Variants in WWOX observed in about 807,000 individuals in gnomAD.
WWOX encodes WW domain-containing oxidoreductase.
A neutral mutation model predicts 46.2 loss-of-function variants in WWOX; 69 were observed. The observed-to-expected ratio is 1.49, with a 90% CI of 1.23 to 1.82. The LOEUF (loss-of-function observed/expected upper bound fraction) is 1.82, where lower values mean the gene tolerates loss of function less well. WWOX is among the 40% of genes most tolerant of loss of function. The pLI is 0.00. For missense variants in WWOX, 919 were observed against 542.6 expected (o/e 1.69, Z -6.89); for synonymous variants, 359 against 202.6 (o/e 1.77, Z -6.56).
intron 5 of WWOX, among the ~76,000 whole-genome samples, chr16:78,290,287 C>G (rs977993464): frequency 6.7e-6 from 1 of 148,874 alleles, no homozygotes; most frequent in East Asian, 2.0e-4. Flanking sequence ...CGTTCCCCCC[C>G]CCACCCCCCA....
chr16:79,108,457 G>GATTGCA (rs1377663775), intron 8 of WWOX, among the ~76,000 whole-genome samples: 2 of 152,230 alleles, frequency 1.3e-5, no homozygotes, highest in African/African-American at 4.8e-5. Context: ...GGGAGCGAAA[G>GATTGCA]ATTGCAAGGT....
At chr16:78,925,085 C>A (rs577555625) in intron 8 of WWOX, among the ~76,000 whole-genome samples, 1 of 152,132 alleles carries the variant, frequency 6.6e-6, no homozygotes, top group Non-Finnish European at 1.5e-5. Flanking sequence ...GTCCCAGTTA[C>A]TGGGGAGGCT....
chr16:78,932,647 C>T (rs8055230), intron 8 of WWOX, among the ~76,000 whole-genome samples: 18,778 of 152,210 alleles, frequency 0.12, 3,521 homozygotes, highest in African/African-American at 0.4. Flanking sequence ...CCTGCAGCTG[C>T]GGCCTCTGGG....
intron 8 of WWOX, among the ~76,000 whole-genome samples, chr16:78,666,318 C>T (rs923799175): frequency 1.3e-5 from 2 of 151,976 alleles, no homozygotes; most frequent in African/African-American, 4.8e-5. Context: ...ATTAAAAAGA[C>T]ACTGAGATTT....
intron 6 of WWOX, among the ~76,000 whole-genome samples, chr16:78,409,280 A>C (rs2082619082): frequency 6.6e-6 from 1 of 152,182 alleles, no homozygotes; most frequent in Admixed American, 6.5e-5. Flanking sequence ...GAATTATGAC[A>C]AACACAGTCA....
chr16:79,168,677 T>C (rs2050641984), intron 8 of WWOX, among the ~76,000 whole-genome samples: 2 of 152,164 alleles, frequency 1.3e-5, no homozygotes. Context: ...CTCTAGGCTC[T>C]TACCTGGCTT....
chr16:79,151,053 A>C (rs1430398804), intron 8 of WWOX, among the ~76,000 whole-genome samples: 1 of 152,116 alleles, frequency 6.6e-6, no homozygotes, highest in Non-Finnish European at 1.5e-5. Flanking sequence ...TACCAGTGCA[A>C]CTCTGCTATT....
chr16:78,771,290 A>G (rs1418000987), intron 8 of WWOX, among the ~76,000 whole-genome samples: 5 of 152,194 alleles, frequency 3.3e-5, no homozygotes, highest in Non-Finnish European at 5.9e-5. Context: ...CAGGGTATCC[A>G]GTTAGGAAGC....
intron 8 of WWOX, among the ~76,000 whole-genome samples, chr16:78,738,658 C>G (rs1597521613): frequency 6.6e-6 from 1 of 152,138 alleles, no homozygotes. Flanking sequence ...ATCCTCATTT[C>G]CTTGATCGCA....
intron 8 of WWOX, among the ~76,000 whole-genome samples, chr16:79,039,839 A>G (rs2151408252): frequency 6.6e-6 from 1 of 152,096 alleles, no homozygotes; most frequent in Admixed American, 6.5e-5. Flanking sequence ...TCATCATCTG[A>G]CTCATCTCTA....
intron 8 of WWOX, among the ~76,000 whole-genome samples, chr16:78,910,091 A>G (rs1364682356): frequency 6.6e-6 from 1 of 152,198 alleles, no homozygotes; most frequent in African/African-American, 2.4e-5. Context: ...TTTCATGTGT[A>G]GATGTGGTGA....
rs555872193 is a variant in WWOX, at chr16:79,151,028, C to T, written c.1057-60580C>T. 7.2e-5 allele frequency among the ~76,000 whole-genome samples: 11 copies of T among 152,248 alleles called. No homozygotes were observed. In the South Asian group the frequency reaches 1.9e-3, roughly 26 times the overall value. On this transcript the variant is annotated intron_variant, in intron 8 of 8. Coordinates refer to ENST00000566780, the MANE Select transcript of WWOX (RefSeq NM_016373.4). Reference sequence around the variant, plus strand: ...GCACAGGAATTATTTCCCTTTTAAACGTTAGTTTTCATTTTACCAGTGCAA... The same window carrying T: ...GCACAGGAATTATTTCCCTTTTAAATGTTAGTTTTCATTTTACCAGTGCAA...
chr16:78,868,493 A>G (rs1466353482), intron 8 of WWOX, among the ~76,000 whole-genome samples: 4 of 152,032 alleles, frequency 2.6e-5, no homozygotes, highest in African/African-American at 7.2e-5. Context: ...ATCAAACTGT[A>G]TATTTACAAT....
In WWOX at chr16:78,154,299, A is replaced by G. The variant is rs566027540; in HGVS notation, c.410-9884A>G. Among the ~76,000 whole-genome samples the G allele has an allele frequency of 1.5e-4, 23 of 152,252 alleles. No homozygotes were observed. The South Asian group carries it at 4.4e-3, about 29-fold the overall frequency. On this transcript the variant is annotated intron_variant, in intron 4 of 8. Transcript: ENST00000566780. ...TATCTTGAGCGAGTCCATTGTGACC[A>G]CTGGAGGTACTGTAAATGGATAAAA...
intron 8 of WWOX, among the ~76,000 whole-genome samples, chr16:78,591,815 C>T (rs943099271): frequency 6.6e-6 from 1 of 152,116 alleles, no homozygotes; most frequent in Admixed American, 6.6e-5. Flanking sequence ...TAGCTGGTGA[C>T]AAAACTCAAA....
intron 8 of WWOX, among the ~76,000 whole-genome samples, chr16:78,982,251 C>G (rs192945999): frequency 4.6e-5 from 7 of 152,274 alleles, no homozygotes; most frequent in African/African-American, 1.7e-4. Flanking sequence ...TGGTGTGTTT[C>G]CAAAATACAG....
At chr16:78,923,973 GTTTTA>G (rs2045440463) in intron 8 of WWOX, among the ~76,000 whole-genome samples, 1 of 151,426 alleles carries the variant, frequency 6.6e-6, no homozygotes, top group Non-Finnish European at 1.5e-5. Context: ...CTAATTTTTT[GTTTTA>G]TTTTGTTTTG....
chr16:79,104,561 G>A (rs1352143626), intron 8 of WWOX, among the ~76,000 whole-genome samples: 2 of 152,142 alleles, frequency 1.3e-5, no homozygotes, highest in Non-Finnish European at 2.9e-5. Flanking sequence ...ATTATGTACG[G>A]TTAAGTATTG....
intron 5 of WWOX, among the ~76,000 whole-genome samples, chr16:78,290,823 G>A (rs2079847120): frequency 1.3e-5 from 2 of 152,108 alleles, no homozygotes; most frequent in South Asian, 4.1e-4. Context: ...TATACAAATG[G>A]TATGACTAGG....
Sources: gnomAD v4.1 joint callset for allele counts (sites outside exome capture counted in the v4.1 genomes callset) on GRCh38, gnomAD v4.1.1 for gene constraint, MANE v1.5 for transcripts, NCBI Gene and HGNC (gene_info 2026-07-23, HGNC 2026-07-21) for gene names.